FBXL13: variants seen among roughly 807,000 people sequenced by gnomAD.
The protein encoded by FBXL13 is F-box and leucine rich repeat protein 13, also known as F-box and leucine-rich repeat protein 13.
Under a neutral mutation model 83.6 loss-of-function variants are expected in FBXL13, and 67 were observed. The observed-to-expected ratio is 0.80, with a 90% CI of 0.66 to 0.98. The LOEUF is 0.98. Among genes scored for constraint, FBXL13 ranks in the 50% least tolerant of loss-of-function variants. The pLI is 0.00. For synonymous variants in FBXL13, 272 were observed against 299.5 expected (o/e 0.91, Z 0.95); for missense variants, 822 against 866.5 (o/e 0.95, Z 0.64).
At chr7:102,992,541 T>C (rs1468171139) in intron 6 of FBXL13, among the ~76,000 whole-genome samples, 1 of 152,166 alleles carries the variant, frequency 6.6e-6, no homozygotes, top group Admixed American at 6.5e-5. Flanking sequence ...CCTGCTAAAA[T>C]TAATAGAACT....
At chr7:102,978,256 A>C (rs61663814) in intron 6 of FBXL13, 1 of 152,316 alleles carries the variant, frequency 6.6e-6, no homozygotes, top group East Asian at 1.9e-4. Context: ...CCCCTATGTC[A>C]TGCCTAAAGT....
intron 18 of FBXL13, 90 bp downstream of exon 19, chr7:102,832,750 A>G: frequency 1.4e-6 from 2 of 1,411,286 alleles, no homozygotes; most frequent in Middle Eastern, 1.9e-4. Context: ...CAAAGAGAAC[A>G]TATTCTGAGT....
At chr7:102,954,617 G>C (rs1350313963) in intron 8 of FBXL13, among the ~76,000 whole-genome samples, 1 of 152,166 alleles carries the variant, frequency 6.6e-6, no homozygotes, top group East Asian at 1.9e-4. Flanking sequence ...AAAGAGTCAA[G>C]ACCCATCAGT....
At chr7:102,813,351 T>G in exon 20 of FBXL13, 1 of 1,607,942 alleles carries the variant, frequency 6.2e-7, no homozygotes, top group South Asian at 1.1e-5. Context: ...GTCACGCTGC[T>G]TGGTCTTCAC....
At chr7:102,867,687 ATATATATATTTTTTTTTTT>A (rs1807900768) in intron 16 of FBXL13, among the ~76,000 whole-genome samples, 1 of 81,966 alleles carries the variant, frequency 1.2e-5, no homozygotes, top group African/African-American at 7.5e-5. Flanking sequence ...ATATATATAT[ATATATATATTTTTTTTTTT>A]TTTTTTTTTT....
chr7:103,027,473 C>G (rs766884075), exon 5 of FBXL13: 41 of 1,612,082 alleles, frequency 2.5e-5, no homozygotes, highest in African/African-American at 4.0e-5. Flanking sequence ...TCTTTTTACT[C>G]TTATGTCTTG....
intron 17 of FBXL13, among the ~76,000 whole-genome samples, chr7:102,848,630 T>TAA (rs1216649727): frequency 7.5e-6 from 1 of 132,660 alleles, no homozygotes; most frequent in Non-Finnish European, 1.6e-5. Context: ...GGATATTATA[T>TAA]AAATGTATTT....
intron 8 of FBXL13, chr7:102,944,763 G>GCATTCTCTTGATTACTA: frequency 4.6e-6 from 3 of 649,486 alleles, no homozygotes; most frequent in Non-Finnish European, 7.5e-6. Context: ...GACTATTATA[G>GCATTCTCTTGATTACTA]TAATCAAGAG....
intron 16 of FBXL13, among the ~76,000 whole-genome samples, chr7:102,872,138 C>T (rs1163181727): frequency 6.6e-6 from 1 of 152,190 alleles, no homozygotes; most frequent in Non-Finnish European, 1.5e-5. Flanking sequence ...AACAAGGATA[C>T]ATTCACATGC....
At chr7:102,863,436 C>T (rs943504633) in intron 16 of FBXL13, among the ~76,000 whole-genome samples, 3 of 150,010 alleles carry the variant, frequency 2.0e-5, no homozygotes, top group African/African-American at 7.4e-5. Context: ...CATAAGAAGG[C>T]TTCTTTCATG....
At chr7:102,979,922 T>A (rs972642272) in intron 6 of FBXL13, among the ~76,000 whole-genome samples, 2 of 152,196 alleles carry the variant, frequency 1.3e-5, no homozygotes, top group Non-Finnish European at 2.9e-5. Context: ...AATCAGAATT[T>A]AAAATCTGCC....
intron 2 of FBXL13, 62 bp downstream of exon 2, chr7:103,055,582 T>A: frequency 1.5e-6 from 1 of 664,898 alleles, no homozygotes; most frequent in Non-Finnish European, 2.2e-6. Flanking sequence ...TTTGTTACTA[T>A]GCAATAAAAG....
chr7:102,826,725 A>T (rs112156412), intron 18 of FBXL13, among the ~76,000 whole-genome samples: 274 of 4,822 alleles, frequency 0.057, 2 homozygotes, highest in African/African-American at 0.19. Flanking sequence ...ACCCTGTCTC[A>T]TATATATATA....
At chr7:103,021,837 C>T (rs1793213406) in intron 6 of FBXL13, among the ~76,000 whole-genome samples, 1 of 152,044 alleles carries the variant, frequency 6.6e-6, no homozygotes, top group Non-Finnish European at 1.5e-5. Flanking sequence ...GACACAAGTG[C>T]TGGAGAGGAT....
intron 7 of FBXL13, among the ~76,000 whole-genome samples, chr7:102,964,946 G>C (rs1399154809): frequency 6.6e-6 from 1 of 152,138 alleles, no homozygotes; most frequent in Non-Finnish European, 1.5e-5. Context: ...GGGCAAAAAA[G>C]CACAACTCAG....
chr7:102,834,116 AAGAAAGAAAGAAAGAAAG>A (rs1291320456), intron 17 of FBXL13, among the ~76,000 whole-genome samples: 6 of 116,306 alleles, frequency 5.2e-5, no homozygotes, highest in African/African-American at 1.7e-4. Flanking sequence ...GAAAGAAAGA[AAGAAAGAAAGAAAGAAAG>A]AAAGAAAAGA....
chr7:102,830,023 G>T (rs1308998049), intron 18 of FBXL13, among the ~76,000 whole-genome samples: 3 of 152,110 alleles, frequency 2.0e-5, no homozygotes, highest in Non-Finnish European at 4.4e-5. Flanking sequence ...CTACTCCTTT[G>T]TATCAGCGTT....
At chr7:102,920,345 G>T (rs1340468141) in intron 10 of FBXL13, among the ~76,000 whole-genome samples, 1 of 151,784 alleles carries the variant, frequency 6.6e-6, no homozygotes, top group Admixed American at 6.6e-5. Flanking sequence ...CATAAAACAA[G>T]ATGATAAAAA....
chr7:102,816,104 C>A (rs895704942), intron 19 of FBXL13: 2 of 152,198 alleles, frequency 1.3e-5, no homozygotes, highest in Non-Finnish European at 2.9e-5. Flanking sequence ...TCCCCCTTAC[C>A]CTAGCTCTGC....
Sources: allele counts gnomAD v4.1 joint callset (sites outside exome capture counted in the v4.1 genomes callset), GRCh38; gene constraint gnomAD v4.1.1; transcripts MANE v1.5; gene names NCBI Gene and HGNC (gene_info 2026-07-23, HGNC 2026-07-21).